Variants in ULK4 observed in about 807,000 individuals in gnomAD.
ULK4 encodes the protein unc-51 like kinase 4.
ULK4 carries 133 observed loss-of-function variants against 160.6 expected under a neutral mutation model. The observed-to-expected ratio is 0.83, with a 90% CI of 0.72 to 0.96. The LOEUF is 0.96. Among genes scored for constraint, ULK4 ranks in the 40% least tolerant of loss-of-function variants. The pLI is 0.00. For synonymous variants in ULK4, 534 were observed against 539.8 expected (o/e 0.99, Z 0.15); for missense variants, 1,580 against 1,499.5 (o/e 1.05, Z -0.89).
chr3:41,266,397 C>T (rs1239207373), intron 35 of ULK4, among the ~76,000 whole-genome samples: 2 of 152,164 alleles, frequency 1.3e-5, no homozygotes, highest in African/African-American at 2.4e-5. Flanking sequence ...TCTGCTTACA[C>T]ATTTTTTTGC....
At chr3:41,309,550 G>A (rs897830601) in intron 35 of ULK4, among the ~76,000 whole-genome samples, 4 of 152,056 alleles carry the variant, frequency 2.6e-5, no homozygotes, top group African/African-American at 9.7e-5. Flanking sequence ...TATAAAAAAT[G>A]GCAATTAGAT....
In ULK4 at chr3:41,859,639, C is replaced by CTA. The variant is rs971326274; in HGVS notation, c.1657-23669_1657-23668insTA. Reference sequence around the variant, plus strand: ...AGCCTCTGCCCCACCGCTTCATTTCCCAAATTCCTTCTTTTTTGTTTGTTT... The same window carrying CTA: ...AGCCTCTGCCCCACCGCTTCATTTCCTACAAATTCCTTCTTTTTTGTTTGTTT... On this transcript the variant is annotated intron_variant, in intron 17 of 36. Coordinates refer to ENST00000301831, the MANE Select transcript of ULK4 (RefSeq NM_017886.4). 8.7e-6 allele frequency: 4 copies of CTA among 461,682 alleles called. No individual in the cohort carries two copies. In the Admixed American group the frequency reaches 1.0e-4, roughly 12 times the overall value. The allele number at this position is 461,682 out of a possible 1,614,324, so 28.6% of individuals were successfully genotyped here.
intron 34 of ULK4, among the ~76,000 whole-genome samples, chr3:41,422,976 T>C (rs962859804): frequency 6.6e-6 from 1 of 152,182 alleles, no homozygotes; most frequent in Non-Finnish European, 1.5e-5. Context: ...ACATTCATAC[T>C]ATAAAATACC....
chr3:41,413,874 T>A lies in ULK4; in HGVS notation c.3493-15610A>T, dbSNP rs115373685. Among the ~76,000 whole-genome samples the A allele has an allele frequency of 2.0e-5, 3 of 152,286 alleles. No homozygotes were observed. In the East Asian group the frequency reaches 5.8e-4, roughly 29 times the overall value. ...TAGAAAAAGGAGCGCCCAGATACCT[T>A]TGAACTTCAGATAAAAAAATCATTT... On this transcript the variant is annotated intron_variant, in intron 34 of 36. Coordinates refer to ENST00000301831, the MANE Select transcript of ULK4 (RefSeq NM_017886.4).
intron 35 of ULK4, among the ~76,000 whole-genome samples, chr3:41,338,393 C>A (rs2080610607): frequency 6.6e-6 from 1 of 152,206 alleles, no homozygotes; most frequent in Non-Finnish European, 1.5e-5. Context: ...TTCTCAGATG[C>A]TGGAGCAAAC....
chr3:41,879,736 C>T (rs1697440735), intron 17 of ULK4, among the ~76,000 whole-genome samples: 1 of 152,094 alleles, frequency 6.6e-6, no homozygotes, highest in Non-Finnish European at 1.5e-5. Context: ...CCTCAGCCTC[C>T]CAAAGTACTG....
At chr3:41,943,423 T>A (rs987289711) in intron 2 of ULK4, among the ~76,000 whole-genome samples, 1 of 152,096 alleles carries the variant, frequency 6.6e-6, no homozygotes, top group Non-Finnish European at 1.5e-5. Flanking sequence ...ACACGCACTT[T>A]CCAGCCCGCT....
chr3:41,600,732 T>G (rs2032008742), intron 31 of ULK4, among the ~76,000 whole-genome samples: 1 of 152,192 alleles, frequency 6.6e-6, no homozygotes, highest in African/African-American at 2.4e-5. Context: ...TACATCTGCC[T>G]CCACAGTAAA....
At chr3:41,932,471 T>C (rs73069292) in intron 4 of ULK4, among the ~76,000 whole-genome samples, 19,081 of 152,222 alleles carry the variant, frequency 0.13, 1,379 homozygotes, top group Middle Eastern at 0.27. Context: ...AAAGAATTTA[T>C]TTAACCTTTC....
chr3:41,358,987 A>G (rs866399739), intron 35 of ULK4, among the ~76,000 whole-genome samples: 19 of 152,184 alleles, frequency 1.2e-4, no homozygotes, highest in African/African-American at 4.3e-4. Context: ...CGTTGAAAGT[A>G]GGGCCAACAA....
chr3:41,268,902 C>T (rs1265671563), intron 35 of ULK4, among the ~76,000 whole-genome samples: 1 of 151,798 alleles, frequency 6.6e-6, no homozygotes, highest in African/African-American at 2.4e-5. Context: ...TTCCACACAG[C>T]TGCTACAGAG....
intron 35 of ULK4, among the ~76,000 whole-genome samples, chr3:41,271,251 T>C (rs937255502): frequency 6.6e-6 from 1 of 152,164 alleles, no homozygotes; most frequent in African/African-American, 2.4e-5. Context: ...ACCCACTGAT[T>C]TCCTTTCTGT....
At chr3:41,513,423 G>A (rs555454417) in intron 32 of ULK4, among the ~76,000 whole-genome samples, 1 of 152,322 alleles carries the variant, frequency 6.6e-6, no homozygotes, top group East Asian at 1.9e-4. Flanking sequence ...GGATCATGAG[G>A]TCAAGAGATC....
chr3:41,833,613 T>C (rs147287701), intron 18 of ULK4, among the ~76,000 whole-genome samples: 33 of 152,272 alleles, frequency 2.2e-4, no homozygotes, highest in Non-Finnish European at 4.3e-4. Context: ...TTATTCTCTT[T>C]GTAGCAACTG....
At chr3:41,834,518 G>A (rs376682758) in intron 18 of ULK4, among the ~76,000 whole-genome samples, 2 of 152,138 alleles carry the variant, frequency 1.3e-5, no homozygotes, top group Admixed American at 6.5e-5. Context: ...TCTGATATGC[G>A]AAGGGCCAGG....
At chr3:41,857,740 A>G (rs1575838168) in intron 17 of ULK4, among the ~76,000 whole-genome samples, 1 of 152,260 alleles carries the variant, frequency 6.6e-6, no homozygotes, top group Admixed American at 6.5e-5. Flanking sequence ...AGATTTTCCA[A>G]TTTATTGGCA....
In ULK4 at chr3:41,484,733, T is replaced by G. The variant is rs564465149; in HGVS notation, c.3227-21480A>C. Among the ~76,000 whole-genome samples the G allele has an allele frequency of 5.4e-3, 820 of 152,258 alleles. 5 individuals are homozygous for G. Among genetic ancestry groups the G allele is most frequent in the Non-Finnish European group, 8.0e-3 (544 of 68,014 alleles). On this transcript the variant is annotated intron_variant, in intron 32 of 36. Coordinates refer to ENST00000301831, the MANE Select transcript of ULK4 (RefSeq NM_017886.4). ...TCCCAAAGTGCTGGGATTACAGGCG[T>G]GAGCCACCGCGCCCGGCCCGAGTGA...
At chr3:41,458,798 C>G (rs1247552151) in intron 33 of ULK4, among the ~76,000 whole-genome samples, 2 of 152,136 alleles carry the variant, frequency 1.3e-5, no homozygotes, top group African/African-American at 4.8e-5. Context: ...CTCTTTCATC[C>G]AGGCTGGAGT....
At position 41,563,733 on chromosome 3, in the gene ULK4, ACT is replaced by A. The variant is rs1436002313; in HGVS notation, c.3226+2290_3226+2291del. On this transcript the variant is annotated intron_variant, in intron 32 of 36. Transcript: ENST00000301831. ...TCAGGTCATTTAAGGTCTTCTCTAC[ACT>A]GTTTATTCTAGTTAGCCATTCGTCT... Among the ~76,000 whole-genome samples the A allele has an allele frequency of 3.3e-5, 5 of 151,970 alleles. 1 individual carries two copies. Among genetic ancestry groups the A allele is most frequent in the Admixed American group, 2.0e-4 (3 of 15,258 alleles).
Sources: gnomAD v4.1 joint callset for allele counts (sites outside exome capture counted in the v4.1 genomes callset) on GRCh38, gnomAD v4.1.1 for gene constraint, MANE v1.5 for transcripts, NCBI Gene and HGNC (gene_info 2026-07-23, HGNC 2026-07-21) for gene names.